IPO7: variants seen among roughly 807,000 people sequenced by gnomAD.
The protein encoded by IPO7 is importin 7, also known as importin-7.
Under a neutral mutation model 136.4 loss-of-function variants are expected in IPO7, and 13 were observed. The observed-to-expected ratio is 0.10, with a 90% CI of 0.06 to 0.15. The LOEUF (loss-of-function observed/expected upper bound fraction) is 0.15. Ranked by LOEUF, IPO7 falls within the 10% of genes least tolerant of loss-of-function variation. The pLI, the probability that IPO7 is intolerant of heterozygous loss-of-function variation, is 1.00. For missense variants in IPO7, 857 were observed against 1,240.6 expected (o/e 0.69, Z 4.65); for synonymous variants, 403 against 404.4 (o/e 1.00, Z 0.04).
chr11:9,430,213 G>A (rs1005201123), intron 15 of IPO7: 1 of 161,194 alleles, frequency 6.2e-6, no homozygotes, highest in Non-Finnish European at 1.3e-5. Context: ...GGGGACCCCT[G>A]CCTTATAGTA....
At chr11:9,404,810 C>T (rs1484821132) in intron 2 of IPO7, among the ~76,000 whole-genome samples, 1 of 152,062 alleles carries the variant, frequency 6.6e-6, no homozygotes, top group Non-Finnish European at 1.5e-5. Context: ...TCGTGATCTG[C>T]CTGCCTTGGC....
In IPO7 at chr11:9,403,408, A is replaced by G. The variant is rs1052707868; in HGVS notation, c.166+37A>G. ...AAATTATATTGAGTGTATGTAATCT[A>G]TTGTTTAAAAGGTTCATAATCGAAT... On this transcript the variant is annotated intron_variant, in intron 2 of 24. Coordinates refer to ENST00000379719, the MANE Select transcript of IPO7 (RefSeq NM_006391.3). The G allele has an allele frequency of 8.6e-5, 125 of 1,460,546 alleles. 1 individual carries two copies. The highest frequency in any genetic ancestry group is 1.1e-4 in the Non-Finnish European group (113 of 1,045,642). The allele number at this position is 1,460,546 out of a possible 1,614,324, so 90.5% of individuals were successfully genotyped here.
In IPO7 at chr11:9,425,201, A is replaced by G. The variant is rs911572090; in HGVS notation, c.1274A>G (p.Asp425Gly). The change falls in exon 12 of 25, where the codon GAC (aspartate) becomes GGC (glycine). Residue 425 changes from aspartate (D) to glycine (G), a missense_variant. Around this residue, in one of 11 missense-constraint regions of IPO7, gnomAD observed 127 missense variants for 222.4 expected, o/e 0.57. Coordinates refer to ENST00000379719, the MANE Select transcript of IPO7 (RefSeq NM_006391.3). ...CYQILTEPNADPRKKDGALHM... is the reference protein window; with the variant it reads ...CYQILTEPNAGPRKKDGALHM... ...CAGATTCTTACAGAACCAAATGCTG[A>G]CCCTCGAAAAAAAGATGGAGCCCTG... 9 of 1,612,244 alleles carry G rather than the reference A, an allele frequency of 5.6e-6. No homozygotes were observed. The highest frequency in any genetic ancestry group is 4.0e-5 in the African/African-American group (3 of 74,864).
intron 16 of IPO7, 77 bp downstream of exon 16, chr11:9,431,080 C>G (rs1271452858): frequency 1.8e-6 from 2 of 1,136,516 alleles, no homozygotes; most frequent in Admixed American, 4.2e-5. Flanking sequence ...TCTCTGGCAT[C>G]TCATGTACCA....
At position 9,437,983 on chromosome 11, in the gene IPO7, T is replaced by A; in HGVS notation, c.2489+9T>A. 2 of 1,606,392 alleles carry A rather than the reference T, an allele frequency of 1.2e-6. No homozygotes were observed. The highest frequency in any genetic ancestry group is 1.7e-6 in the Non-Finnish European group (2 of 1,174,946). On this transcript the variant is annotated intron_variant, in intron 21 of 24. Transcript: ENST00000379719. ...GTTGACTGTTTCTTGGGGTAAGTGA[T>A]GTATTGCAATTTTACTACATTTGCT...
chr11:9,390,610 C>G (rs1051665494), intron 1 of IPO7, among the ~76,000 whole-genome samples: 1 of 152,154 alleles, frequency 6.6e-6, no homozygotes, highest in Non-Finnish European at 1.5e-5. Flanking sequence ...TCCCTGGATA[C>G]TTCGGCTGTT....
rs1385973887 is a variant in IPO7 at position 9,433,844 on chromosome 11, C to T, written c.2072C>T (p.Thr691Ile). The T allele has an allele frequency of 2.5e-6, 4 of 1,609,756 alleles. No homozygotes were observed. Among genetic ancestry groups the T allele is most frequent in the Admixed American group, 1.7e-5 (1 of 59,950 alleles). Reference sequence around the variant, plus strand: ...CAGCAAGATGGCTTTGATTACTTTACAGGTGAGTCAAAGCAGCATGGAAAT... The same window carrying T: ...CAGCAAGATGGCTTTGATTACTTTATAGGTGAGTCAAAGCAGCATGGAAAT... Reference protein sequence around the residue: ...VFQQDGFDYFTDMMPLLHNYV... With the variant: ...VFQQDGFDYFIDMMPLLHNYV... The change falls in exon 18 of 25, where the codon ACA becomes ATA. Residue 691 changes from threonine (T) to isoleucine (I), a missense_variant and splice_region_variant. Thr to Ile is a moderately conservative substitution (Grantham distance 89, BLOSUM62 -1). Transcript: ENST00000379719.
chr11:9,431,584 T>A (rs1590449139), intron 16 of IPO7, among the ~76,000 whole-genome samples: 1 of 152,220 alleles, frequency 6.6e-6, no homozygotes, highest in Non-Finnish European at 1.5e-5. Context: ...GTGTTAAGAA[T>A]GTAATAAAGT....
At chr11:9,417,032 A>G (rs768346870) in intron 5 of IPO7, 27 bp from the exon 6 acceptor site, 1 of 1,088,688 alleles carries the variant, frequency 9.2e-7, no homozygotes, top group Non-Finnish European at 1.4e-6. Context: ...AAGGATTTCG[A>G]AATATTAATT....
chr11:9,420,290 A>G, intron 6 of IPO7, 121 bp from the exon 7 acceptor site: 3 of 637,966 alleles, frequency 4.7e-6, no homozygotes, highest in Non-Finnish European at 8.2e-6. Context: ...GCAAGACTCC[A>G]TCTCAAAAAA....
chr11:9,415,078 G>T (rs943755326), intron 5 of IPO7, among the ~76,000 whole-genome samples: 1 of 152,012 alleles, frequency 6.6e-6, no homozygotes, highest in African/African-American at 2.4e-5. Flanking sequence ...AGCACTTTGG[G>T]AGGCTGTGGT....
chr11:9,439,271 A>G (rs1269643994), intron 22 of IPO7, among the ~76,000 whole-genome samples: 1 of 152,030 alleles, frequency 6.6e-6, no homozygotes, highest in Non-Finnish European at 1.5e-5. Context: ...ACGTGCCACC[A>G]TGCCCAGCTT....
chr11:9,436,864 ATAT>A (rs1192940282), intron 20 of IPO7, among the ~76,000 whole-genome samples: 3 of 14,692 alleles, frequency 2.0e-4, no homozygotes, highest in Non-Finnish European at 3.7e-4. Flanking sequence ...ATATATATAT[ATAT>A]ATTTTTTTTT....
intron 8 of IPO7, among the ~76,000 whole-genome samples, chr11:9,421,558 G>T (rs1855128289): frequency 6.6e-6 from 1 of 151,438 alleles, no homozygotes. Flanking sequence ...AACCCAGGAG[G>T]CAGAGGTTGC....
intron 8 of IPO7, among the ~76,000 whole-genome samples, chr11:9,420,900 A>G (rs1378784170): frequency 6.6e-6 from 1 of 152,198 alleles, no homozygotes; most frequent in Non-Finnish European, 1.5e-5. Flanking sequence ...AGTTATACCT[A>G]GTAATATTTA....
At chr11:9,399,445 G>GCC (rs968649329) in intron 1 of IPO7, among the ~76,000 whole-genome samples, 1 of 152,158 alleles carries the variant, frequency 6.6e-6, no homozygotes, top group African/African-American at 2.4e-5. Flanking sequence ...ACAGGCGTGA[G>GCC]CCACCGCGCC....
At chr11:9,434,073 G>A (rs1201989165) in intron 18 of IPO7, among the ~76,000 whole-genome samples, 2 of 151,970 alleles carry the variant, frequency 1.3e-5, no homozygotes, top group South Asian at 2.1e-4. Context: ...ACAGGCATGC[G>A]CCACCATGCC....
chr11:9,439,519 A>G (rs1444522553), intron 22 of IPO7, among the ~76,000 whole-genome samples: 1 of 152,142 alleles, frequency 6.6e-6, no homozygotes, highest in African/African-American at 2.4e-5. Flanking sequence ...GTATTAACAA[A>G]GGTACACATA....
At chr11:9,419,593 G>A (rs1855098618) in intron 6 of IPO7, among the ~76,000 whole-genome samples, 1 of 138,480 alleles carries the variant, frequency 7.2e-6, no homozygotes, top group African/African-American at 2.8e-5. Context: ...TATATGTTAT[G>A]GATGTCTTAG....
Sources: allele counts gnomAD v4.1 joint callset (sites outside exome capture counted in the v4.1 genomes callset), GRCh38; gene constraint gnomAD v4.1.1; regional missense constraint gnomAD v4.1.1; transcripts MANE v1.5; gene names NCBI Gene and HGNC (gene_info 2026-07-23, HGNC 2026-07-21).